The following OLAH variants were observed in gnomAD, a reference collection of about 807,000 sequenced individuals.
OLAH encodes the protein S-acyl fatty acid synthase thioesterase, medium chain.
In OLAH, 33 loss-of-function variants were observed where a neutral mutation model predicts 27.8. That is an observed-to-expected ratio of 1.19 (90% CI 0.90 to 1.59). OLAH has a LOEUF of 1.59. OLAH is among the 40% of genes most tolerant of loss of function. The pLI, the probability that OLAH is intolerant of heterozygous loss-of-function variation, is 0.00. For synonymous variants in OLAH, 120 were observed against 102.9 expected, an observed-to-expected ratio of 1.17 and a Z score of -1.01; for missense variants, 359 against 310.8, an observed-to-expected ratio of 1.16 and a Z score of -1.17.
chr10:15,060,676 C>T (rs1468727798), intron 3 of OLAH, among the ~76,000 whole-genome samples: 1 of 152,060 alleles, frequency 6.6e-6, no homozygotes, highest in Non-Finnish European at 1.5e-5. Flanking sequence ...TTAGTGAGCA[C>T]ATTTGTATTT....
At chr10:15,044,217 CTTGCCTTTTCTCAGTTCTCTTT>C (rs1219787176) in intron 1 of OLAH, among the ~76,000 whole-genome samples, 1 of 151,994 alleles carries the variant, frequency 6.6e-6, no homozygotes, top group Non-Finnish European at 1.5e-5. Flanking sequence ...GTTTCTTTCC[CTTGCCTTTTCTCAGTTCTCTTT>C]TTGATTAAAT....
chr10:15,037,837 T>C (rs1843865067), intron 1 of OLAH, among the ~76,000 whole-genome samples: 1 of 152,238 alleles, frequency 6.6e-6, no homozygotes, highest in Non-Finnish European at 1.5e-5. Context: ...CTCTGTTCTT[T>C]ATGTAACTGG....
At chr10:15,049,796 T>C in intron 3 of OLAH, 31 bp downstream of exon 3, 1 of 1,589,176 alleles carries the variant, frequency 6.3e-7, no homozygotes, top group South Asian at 1.2e-5. Context: ...ATTTAAGCAA[T>C]TTAAAAGGGC....
At position 15,064,393 on chromosome 10, in the gene OLAH, C is replaced by T. The variant is rs755332066; in HGVS notation, c.303-10C>T. Reference sequence around the variant, plus strand: ...ACAGTTCTTGTCATGTTTTTCTTTGCTGAATTTAGTATGGGATCCTACATT... The same window carrying T: ...ACAGTTCTTGTCATGTTTTTCTTTGTTGAATTTAGTATGGGATCCTACATT... On this transcript the variant is annotated splice_polypyrimidine_tract_variant and intron_variant, in intron 4 of 7. Transcript: ENST00000378228. 2.6e-6 allele frequency: 4 copies of T among 1,541,800 alleles called. No homozygotes were observed. Among genetic ancestry groups the T allele is most frequent in the Non-Finnish European group, 8.9e-7 (1 of 1,126,588 alleles).
At chr10:15,041,269 T>A (rs530284437), upstream of OLAH, among the ~76,000 whole-genome samples, 1 of 137,488 alleles carries the variant, frequency 7.3e-6, no homozygotes, top group Non-Finnish European at 1.6e-5. Context: ...CCTTTTTTTA[T>A]TTTTATTTTT....
At chr10:15,050,768 C>G (rs1054600867) in intron 3 of OLAH, among the ~76,000 whole-genome samples, 4 of 151,774 alleles carry the variant, frequency 2.6e-5, no homozygotes, top group African/African-American at 7.3e-5. Context: ...GTCTCAATCT[C>G]CTGACCTTGT....
Position 15,073,075 on chromosome 10 carries a change from GT to G in OLAH, c.656-9del, listed in dbSNP as rs1844623648. 1 of 1,610,520 alleles carries G rather than the reference GT, an allele frequency of 6.2e-7. No individual in the cohort carries two copies. The highest frequency in any genetic ancestry group is 1.7e-5 in the Admixed American group (1 of 59,098). ...TGGTGTTGTTATTGAATACAATCTTGTTTATTTTCAGCCTGGAAAGATGTAA... is the reference window on the plus strand; with the variant it reads ...TGGTGTTGTTATTGAATACAATCTTGTTATTTTCAGCCTGGAAAGATGTAA... On this transcript the variant is annotated splice_polypyrimidine_tract_variant and intron_variant, in intron 7 of 7. Coordinates refer to ENST00000378228, the MANE Select transcript of OLAH (RefSeq NM_001039702.3).
At chr10:15,041,890 C>T (rs560999070), upstream of OLAH, among the ~76,000 whole-genome samples, 14 of 152,052 alleles carry the variant, frequency 9.2e-5, no homozygotes, top group South Asian at 2.5e-3. Flanking sequence ...ACCTTTGACC[C>T]GTTGGCATCC....
At chr10:15,061,265 T>C (rs751741811) in intron 3 of OLAH, among the ~76,000 whole-genome samples, 7 of 152,196 alleles carry the variant, frequency 4.6e-5, no homozygotes, top group Non-Finnish European at 1.0e-4. Flanking sequence ...TTATTTGTAG[T>C]CTACTTTTTC....
intron 3 of OLAH, among the ~76,000 whole-genome samples, chr10:15,054,570 G>A (rs1844209632): frequency 6.6e-6 from 1 of 151,336 alleles, no homozygotes; most frequent in South Asian, 2.1e-4. Context: ...GGCTCTCCAT[G>A]TGTCCCTATG....
rs754223039 is a variant in OLAH, at chr10:15,073,473, A to T, written c.*244A>T. On this transcript the variant is annotated 3_prime_UTR_variant, in exon 8 of 8. Coordinates refer to ENST00000378228, the MANE Select transcript of OLAH (RefSeq NM_001039702.3). ...CAGGAGATCGAGACCGTCCTGGCTAACACCGTGAAACCCCATCTCTACTAA... is the reference window on the plus strand; with the variant it reads ...CAGGAGATCGAGACCGTCCTGGCTATCACCGTGAAACCCCATCTCTACTAA... 1.3e-5 allele frequency: 4 copies of T among 319,124 alleles called. No homozygotes were observed. The highest frequency in any genetic ancestry group is 3.6e-5 in the South Asian group (1 of 27,630). The allele number at this position is 319,124 out of a possible 1,614,324, so 19.8% of individuals were successfully genotyped here.
intron 3 of OLAH, among the ~76,000 whole-genome samples, chr10:15,054,530 C>A (rs1844208896): frequency 6.6e-6 from 1 of 152,088 alleles, no homozygotes; most frequent in South Asian, 2.1e-4. Flanking sequence ...TGATTATTTT[C>A]CAGTGTTTTA....
chr10:15,071,543 A>G (rs1169009792), intron 6 of OLAH: 2 of 985,250 alleles, frequency 2.0e-6, no homozygotes, highest in Non-Finnish European at 2.4e-6. Flanking sequence ...CTTGAGTTGA[A>G]CTGTGTGCCC....
rs199754575 is a variant in OLAH, at chr10:15,047,358, C to T, written c.32+38C>T. On this transcript the variant is annotated intron_variant, in intron 2 of 7. Coordinates refer to ENST00000378228, the MANE Select transcript of OLAH (RefSeq NM_001039702.3). ...TTGTGCCACCAGGCTCTTCCTCCAT[C>T]CCAGGGGCTCCGATACCCTGCCTTT... 2.1e-5 allele frequency: 33 copies of T among 1,603,206 alleles called. No homozygotes were observed. In the East Asian group the frequency reaches 7.2e-4, roughly 35 times the overall value.
rs1230560670 is a variant in OLAH, at chr10:15,057,022, A to G, written c.164-4702A>G. 4.4e-6 allele frequency: 6 copies of G among 1,362,448 alleles called. No individual in the cohort carries two copies. The African/African-American group carries it at 9.1e-5, about 21-fold the overall frequency. 84.4% of individuals were successfully genotyped at this position (1,362,448 alleles called of 1,614,324 possible). ...TTGAAAATGTCTTCTAGTTTGTGCC[A>G]CCTTTCTTTTTAATGTGGTGTCTTC... On this transcript the variant is annotated intron_variant, in intron 3 of 7. Coordinates refer to ENST00000378228, the MANE Select transcript of OLAH (RefSeq NM_001039702.3).
intron 3 of OLAH, among the ~76,000 whole-genome samples, chr10:15,060,636 G>A (rs189319953): frequency 6.6e-6 from 1 of 151,966 alleles, no homozygotes; most frequent in African/African-American, 2.4e-5. Context: ...TTTAGTTTCT[G>A]TTCTTATCAT....
intron 5 of OLAH, among the ~76,000 whole-genome samples, chr10:15,065,233 A>T (rs1844444456): frequency 6.6e-6 from 1 of 152,184 alleles, no homozygotes; most frequent in Admixed American, 6.5e-5. Context: ...GGGGACAGTG[A>T]TGTCAAGTTC....
chr10:15,058,958 TC>T (rs1844301867), intron 3 of OLAH, among the ~76,000 whole-genome samples: 1 of 97,614 alleles, frequency 1.0e-5, no homozygotes, highest in African/African-American at 3.7e-5. Flanking sequence ...CTTCCCTCCC[TC>T]CTTCCCTCCC....
Position 15,071,820 on chromosome 10 carries a change from C to A in OLAH, c.598C>A (p.Leu200Ile). ...CTSNVPSKAV[L>I]SCDLTCFVGS... is the part of the protein sequence containing the mutation. ...CTCTAACGTACCATCTAAGGCTGTTCTTTCCTGTGACTTGACATGTTTTGT... is the reference window on the plus strand; with the variant it reads ...CTCTAACGTACCATCTAAGGCTGTTATTTCCTGTGACTTGACATGTTTTGT... Residue 200 changes from leucine to isoleucine, a missense_variant, in exon 7 of 8, where the codon CTT becomes ATT. Transcript: ENST00000378228. 6.2e-7 allele frequency: 1 copy of A among 1,613,612 alleles called. No homozygotes were observed. Among genetic ancestry groups the A allele is most frequent in the Non-Finnish European group, 8.5e-7 (1 of 1,179,498 alleles).
Sources: gnomAD v4.1 joint callset for allele counts (sites outside exome capture counted in the v4.1 genomes callset) on GRCh38, gnomAD v4.1.1 for gene constraint, MANE v1.5 for transcripts, NCBI Gene and HGNC (gene_info 2026-07-23, HGNC 2026-07-21) for gene names.